Variants in P2RY8 observed in about 807,000 individuals in gnomAD.
P2RY8 encodes P2Y receptor family member 8, also known as S-geranylgeranyl-glutathione receptor P2RY8.
In P2RY8, 6 loss-of-function variants were observed where a neutral mutation model predicts 10.0. The ratio of observed to expected loss-of-function variants is 0.60; its 90% CI spans 0.33 to 1.19. The LOEUF (loss-of-function observed/expected upper bound fraction) is 1.19. Ranked by LOEUF, P2RY8 falls within the 50% of genes most tolerant of loss-of-function variation. The pLI, the probability that P2RY8 is intolerant of heterozygous loss-of-function variation, is 0.04. For missense variants in P2RY8, 456 were observed against 542.0 expected, an observed-to-expected ratio of 0.84 and a Z score of 1.58; for synonymous variants, 276 against 252.5, an observed-to-expected ratio of 1.09 and a Z score of -0.88.
In P2RY8 at chrX:1,471,308, C is replaced by CTTTTTTTTTTTTTTTTTTT. The variant is rs1569536548; in HGVS notation, c.-24-4727_-24-4726insAAAAAAAAAAAAAAAAAAA. On this transcript the variant is annotated intron_variant, in intron 1 of 1. Transcript: ENST00000381297. ...CAGACGTGAGCCACCGCGCCCAGCC[C>CTTTTTTTTTTTTTTTTTTT]ATTTTTTTTTTTTTTTTTTTTTTGT... Among the ~76,000 whole-genome samples, 3 of 71,110 alleles carry CTTTTTTTTTTTTTTTTTTT rather than the reference C, an allele frequency of 4.2e-5. 1 individual carries two copies. The highest frequency in any genetic ancestry group is 5.2e-5 in the African/African-American group (1 of 19,258). The allele number at this position is 71,110 out of a possible 152,430, so 46.7% of individuals were successfully genotyped here. A position where few individuals can be genotyped will look rare whatever the true frequency, so the allele number is the denominator to read the frequency against.
At chrX:1,488,312 C>T (rs1267917408) in intron 1 of P2RY8, among the ~76,000 whole-genome samples, 1 of 152,142 alleles carries the variant, frequency 6.6e-6, no homozygotes, top group Non-Finnish European at 1.5e-5. Flanking sequence ...GACTACTACT[C>T]AAAGGCTGGG....
chrX:1,470,070 A>G (rs1265462099), intron 1 of P2RY8, among the ~76,000 whole-genome samples: 4 of 152,042 alleles, frequency 2.6e-5, no homozygotes, highest in Non-Finnish European at 5.9e-5. Flanking sequence ...AACAAAACTC[A>G]GGACCTGGCC....
At chrX:1,487,876 CG>C (rs2092000740) in intron 1 of P2RY8, among the ~76,000 whole-genome samples, 1 of 152,052 alleles carries the variant, frequency 6.6e-6, no homozygotes, top group Admixed American at 6.6e-5. Flanking sequence ...TTTGGGAGGC[CG>C]AGGCGGGTGG....
Position 1,500,006 on chromosome X carries a change from G to C in P2RY8, c.-24-33424C>G, listed in dbSNP as rs187104881. On this transcript the variant is annotated intron_variant, in intron 1 of 1. Transcript: ENST00000381297. ...CCCGAGTAGCTGGGACTACAGGCGT[G>C]TACCACCATGCCCAGCTAATTTTTT... 5.8e-4 allele frequency among the ~76,000 whole-genome samples: 20 copies of C among 34,306 alleles called. 1 individual carries two copies. The highest frequency in any genetic ancestry group is 1.2e-3 in the South Asian group (1 of 856). The allele number at this position is 34,306 out of a possible 152,430, so 22.5% of individuals were successfully genotyped here.
chrX:1,520,737 G>T (rs1196226313), intron 1 of P2RY8, among the ~76,000 whole-genome samples: 1 of 151,128 alleles, frequency 6.6e-6, no homozygotes, highest in Non-Finnish European at 1.5e-5. Context: ...TATTATCTCT[G>T]GTCCTCAATC....
intron 1 of P2RY8, among the ~76,000 whole-genome samples, chrX:1,535,218 C>T (rs761565806): frequency 2.1e-4 from 23 of 107,100 alleles, no homozygotes; most frequent in Non-Finnish European, 3.5e-4. Context: ...GACAGAGTCT[C>T]ACTCTGTCAC....
chrX:1,518,177 G>A (rs1432718124), intron 1 of P2RY8, among the ~76,000 whole-genome samples: 2 of 151,372 alleles, frequency 1.3e-5, no homozygotes, highest in African/African-American at 4.9e-5. Flanking sequence ...CGTCATCTCA[G>A]CACTTTGGGA....
At chrX:1,497,881 A>G (rs1197854396) in intron 1 of P2RY8, among the ~76,000 whole-genome samples, 6 of 151,914 alleles carry the variant, frequency 3.9e-5, no homozygotes, top group Non-Finnish European at 8.8e-5. Context: ...GGTCCTTGCC[A>G]TCCAGGAAGC....
At chrX:1,484,272 C>G (rs1365128286) in intron 1 of P2RY8, among the ~76,000 whole-genome samples, 1 of 152,144 alleles carries the variant, frequency 6.6e-6, no homozygotes, top group Admixed American at 6.5e-5. Flanking sequence ...CAATCTCTCT[C>G]CTCTGAAAGG....
intron 1 of P2RY8, among the ~76,000 whole-genome samples, chrX:1,508,883 A>G (rs1236066723): frequency 3.0e-5 from 4 of 134,120 alleles, no homozygotes; most frequent in African/African-American, 5.9e-5. Flanking sequence ...CCATCCATCT[A>G]TTCTATCATC....
intron 1 of P2RY8, among the ~76,000 whole-genome samples, chrX:1,509,839 C>A (rs868103353): frequency 1.5e-5 from 2 of 133,340 alleles, no homozygotes; most frequent in African/African-American, 2.8e-5. Context: ...CTATCTATCT[C>A]TATTATCTAT....
Position 1,466,392 on chromosome X carries a change from G to T in P2RY8, c.167C>A (p.Ser56Tyr). 6.2e-7 allele frequency: 1 copy of T among 1,613,636 alleles called. No homozygotes were observed. The highest frequency in any genetic ancestry group is 2.2e-5 in the East Asian group (1 of 44,874). Reference protein sequence around the residue: ...WVLCRRMGPRSPSVIFMINLS... With the variant: ...WVLCRRMGPRYPSVIFMINLS... ...GTTGATCATGAAGATGACCGACGGGGATCTGGGCCCCATGCGCCGGCACAG... is the reference window on the plus strand; with the variant it reads ...GTTGATCATGAAGATGACCGACGGGTATCTGGGCCCCATGCGCCGGCACAG... Residue 56 changes from serine to tyrosine, a missense_variant, in exon 2 of 2, where the codon TCC becomes TAC. Ser to Tyr is a moderately radical substitution (Grantham distance 144). Transcript: ENST00000381297.
intron 1 of P2RY8, among the ~76,000 whole-genome samples, 182 bp from the exon 2 acceptor site, chrX:1,466,764 C>A (rs2091686382): frequency 1.3e-5 from 2 of 149,102 alleles, no homozygotes; most frequent in Admixed American, 1.3e-4. Context: ...TCCTTCCCTC[C>A]CTCTCTGCCT....
intron 1 of P2RY8, among the ~76,000 whole-genome samples, chrX:1,523,987 G>A (rs1482561225): frequency 1.6e-4 from 25 of 152,260 alleles, no homozygotes; most frequent in African/African-American, 5.3e-4. Context: ...CACTGTGCCC[G>A]GCAAAGATGG....
intron 1 of P2RY8, among the ~76,000 whole-genome samples, chrX:1,536,003 G>T (rs1331796400): frequency 6.6e-6 from 1 of 152,110 alleles, no homozygotes; most frequent in Non-Finnish European, 1.5e-5. Context: ...CACCGAGGGG[G>T]TGACGAGGGG....
intron 1 of P2RY8, among the ~76,000 whole-genome samples, chrX:1,490,330 C>T (rs1396012076): frequency 1.4e-5 from 2 of 142,904 alleles, no homozygotes; most frequent in East Asian, 2.1e-4. Flanking sequence ...ACCCCAGATT[C>T]ACTTCTGCAA....
Position 1,516,782 on chromosome X carries a change from C to T in P2RY8, c.-25+20139G>A, listed in dbSNP as rs147181418. ...AGAAGAGGAGATGAGGACACAGACACACACAGAGGGGCGACCCTGTGAGGA... is the reference window on the plus strand; with the variant it reads ...AGAAGAGGAGATGAGGACACAGACATACACAGAGGGGCGACCCTGTGAGGA... On this transcript the variant is annotated intron_variant, in intron 1 of 1. Transcript: ENST00000381297. 9.8e-3 allele frequency among the ~76,000 whole-genome samples: 1,485 copies of T among 151,630 alleles called. 30 individuals carry two copies. Among genetic ancestry groups the T allele is most frequent in the African/African-American group, 0.034 (1,409 of 41,296 alleles).
At chrX:1,515,117 C>T (rs1354552991) in intron 1 of P2RY8, among the ~76,000 whole-genome samples, 2 of 151,100 alleles carry the variant, frequency 1.3e-5, no homozygotes, top group Non-Finnish European at 2.9e-5. Flanking sequence ...CCATATGTTG[C>T]CCAGGCTGGT....
At chrX:1,515,677 G>T (rs1440885624) in intron 1 of P2RY8, among the ~76,000 whole-genome samples, 1 of 151,716 alleles carries the variant, frequency 6.6e-6, no homozygotes, top group Non-Finnish European at 1.5e-5. Context: ...AGCCATTTAG[G>T]ATATTTTCAT....
Sources: allele counts gnomAD v4.1 joint callset (sites outside exome capture counted in the v4.1 genomes callset), GRCh38; gene constraint gnomAD v4.1.1; transcripts MANE v1.5; gene names NCBI Gene and HGNC (gene_info 2026-07-23, HGNC 2026-07-21).